UGT1A8: variants seen among roughly 807,000 people sequenced by gnomAD.
The protein encoded by UGT1A8 is UDP glucuronosyltransferase family 1 member A8.
Under a neutral mutation model 45.3 loss-of-function variants are expected in UGT1A8, and 39 were observed. The ratio of observed to expected loss-of-function variants is 0.86; its 90% CI spans 0.67 to 1.12. The LOEUF is 1.12. UGT1A8 is among the 50% of genes most tolerant of loss of function. UGT1A8 has a pLI of 0.00. For synonymous variants in UGT1A8, 275 were observed against 249.2 expected (o/e 1.10, Z -0.97); for missense variants, 719 against 664.9 (o/e 1.08, Z -0.90).
chr2:233,716,479 C>T (rs977353468), intron 1 of UGT1A8, among the ~76,000 whole-genome samples: 2 of 152,108 alleles, frequency 1.3e-5, no homozygotes, highest in African/African-American at 4.8e-5. Context: ...TTCTGTCCTC[C>T]GTAGTCTTCT....
intron 1 of UGT1A8, among the ~76,000 whole-genome samples, chr2:233,677,554 A>T (rs1326640817): frequency 1.3e-5 from 2 of 152,206 alleles, no homozygotes; most frequent in Admixed American, 6.5e-5. Context: ...AAATGTTATT[A>T]AAAAACGTAA....
chr2:233,756,514 G>A (rs1394281486), intron 1 of UGT1A8, among the ~76,000 whole-genome samples: 1 of 152,030 alleles, frequency 6.6e-6, no homozygotes, highest in African/African-American at 2.4e-5. Context: ...AGGGTCAAAT[G>A]TGCATGTTAT....
At chr2:233,665,515 C>G (rs1302172610) in intron 1 of UGT1A8, among the ~76,000 whole-genome samples, 1 of 152,068 alleles carries the variant, frequency 6.6e-6, no homozygotes, top group East Asian at 1.9e-4. Context: ...GAGGCAGAAG[C>G]AATAGGAATG....
intron 1 of UGT1A8, chr2:233,636,691 G>A: frequency 6.2e-7 from 1 of 1,614,188 alleles, no homozygotes; most frequent in Non-Finnish European, 8.5e-7. Context: ...TGAGGTGGTT[G>A]TAGTCATGCC....
In UGT1A8 at chr2:233,626,566, C is replaced by G. The variant is rs138882504; in HGVS notation, c.855+8004C>G. 1.4e-3 allele frequency among the ~76,000 whole-genome samples: 208 copies of G among 152,140 alleles called. 1 individual carries two copies. The highest frequency in any genetic ancestry group is 4.8e-3 in the African/African-American group (198 of 41,530). ...TCGCAACATCTGGTCACAGTTTTCT[C>G]CAGAAGAAATGAATTGTTTGGGGCT... On this transcript the variant is annotated intron_variant, in intron 1 of 4. Transcript: ENST00000373450.
chr2:233,729,233 T>G, intron 1 of UGT1A8: 1 of 1,614,178 alleles, frequency 6.2e-7, no homozygotes, highest in South Asian at 1.1e-5. Flanking sequence ...GTGGTGCCCA[T>G]TGATGGCAGC....
rs1367170822 is a variant in UGT1A8 at position 233,772,461 on chromosome 2, GT to G, written c.1496del (p.Val499GlyfsTer43). The G allele has an allele frequency of 6.2e-7, 1 of 1,614,184 alleles. No individual in the cohort carries two copies. Among genetic ancestry groups the G allele is most frequent in the Non-Finnish European group, 8.5e-7 (1 of 1,180,040 alleles). On this transcript the variant is annotated frameshift_variant, in exon 5 of 5. Coordinates refer to ENST00000373450, the MANE Select transcript of UGT1A8 (RefSeq NM_019076.5). LOFTEE classifies it high-confidence loss of function. The stretch of plus-strand genomic sequence containing the variant: ...TTTCCTCTTGGCCGTCGTGCTGACA[GT>G]GGCCTTCATCACCTTTAAATGTTGT... ...IGFLLAVVLT[V>X]AFITFKCCAY...
intron 1 of UGT1A8, among the ~76,000 whole-genome samples, chr2:233,645,029 A>G (rs1305645523): frequency 1.3e-5 from 2 of 152,180 alleles, no homozygotes; most frequent in Non-Finnish European, 2.9e-5. Flanking sequence ...GGGAGCAGGT[A>G]GACCACTTTG....
intron 1 of UGT1A8, chr2:233,708,307 C>G (rs907085580): frequency 7.9e-5 from 12 of 152,182 alleles, no homozygotes; most frequent in African/African-American, 2.9e-4. Context: ...TTTGACAATC[C>G]AATAGGTAAA....
In UGT1A8 at chr2:233,743,065, G is replaced by A. The variant is rs916889730; in HGVS notation, c.856-23969G>A. Reference sequence around the variant, plus strand: ...CCGTGTAGTCCCAACGATAAGAACAGGTGTTGGCATGAAGTGTTTATAAAT... The same window carrying A: ...CCGTGTAGTCCCAACGATAAGAACAAGTGTTGGCATGAAGTGTTTATAAAT... On this transcript the variant is annotated intron_variant, in intron 1 of 4. Coordinates refer to ENST00000373450, the MANE Select transcript of UGT1A8 (RefSeq NM_019076.5). 1.2e-5 allele frequency: 4 copies of A among 339,690 alleles called. No homozygotes were observed. The Admixed American group carries it at 1.2e-4, about 10-fold the overall frequency. The allele number at this position is 339,690 out of a possible 1,614,324, so 21.0% of individuals were successfully genotyped here.
intron 1 of UGT1A8, among the ~76,000 whole-genome samples, chr2:233,711,891 A>G (rs2076202856): frequency 6.6e-6 from 1 of 152,204 alleles, no homozygotes; most frequent in Non-Finnish European, 1.5e-5. Context: ...GACGAGTCTC[A>G]TGGGCGTGAG....
intron 1 of UGT1A8, chr2:233,718,918 T>C (rs778450561): frequency 2.5e-6 from 4 of 1,614,094 alleles, no homozygotes; most frequent in Non-Finnish European, 3.4e-6. Context: ...AAGGTGTTGG[T>C]GGTGCCCACT....
intron 1 of UGT1A8, among the ~76,000 whole-genome samples, chr2:233,663,746 C>A (rs980498376): frequency 2.6e-5 from 4 of 152,084 alleles, no homozygotes; most frequent in Admixed American, 1.3e-4. Flanking sequence ...CAGTCTATGT[C>A]CAGGAATGAA....
At chr2:233,620,039 T>G (rs2072972327) in intron 1 of UGT1A8, among the ~76,000 whole-genome samples, 1 of 152,150 alleles carries the variant, frequency 6.6e-6, no homozygotes, top group Admixed American at 6.5e-5. Context: ...ATTATATTAT[T>G]TTATTAGGGA....
At chr2:233,724,418 G>C (rs1312846631) in intron 1 of UGT1A8, among the ~76,000 whole-genome samples, 1 of 134,216 alleles carries the variant, frequency 7.5e-6, no homozygotes, top group African/African-American at 2.8e-5. Flanking sequence ...TGGCTGCCGG[G>C]CGGAGAGGCT....
chr2:233,619,594 T>G (rs2072963838), intron 1 of UGT1A8, among the ~76,000 whole-genome samples: 2 of 152,162 alleles, frequency 1.3e-5, no homozygotes, highest in African/African-American at 4.8e-5. Context: ...AAATAAAAAT[T>G]TTCACTATAT....
chr2:233,730,403 A>G (rs1043084681), intron 1 of UGT1A8, among the ~76,000 whole-genome samples: 1 of 152,216 alleles, frequency 6.6e-6, no homozygotes, highest in Non-Finnish European at 1.5e-5. Context: ...GTAAATTACA[A>G]TTGTTGACAT....
chr2:233,722,324 C>T (rs1239720305), intron 1 of UGT1A8, among the ~76,000 whole-genome samples: 1 of 152,060 alleles, frequency 6.6e-6, no homozygotes, highest in Non-Finnish European at 1.5e-5. Flanking sequence ...GTTTGGTTGA[C>T]CCTTAGATTT....
chr2:233,696,158 A>G (rs2075328796), intron 1 of UGT1A8, among the ~76,000 whole-genome samples: 1 of 152,220 alleles, frequency 6.6e-6, no homozygotes, highest in Non-Finnish European at 1.5e-5. Flanking sequence ...TATATATCCA[A>G]AAGAAAAAAA....
Sources: gnomAD v4.1 joint callset for allele counts (sites outside exome capture counted in the v4.1 genomes callset) on GRCh38, gnomAD v4.1.1 for gene constraint, MANE v1.5 for transcripts, NCBI Gene and HGNC (gene_info 2026-07-23, HGNC 2026-07-21) for gene names.